The following YTHDC2 variants were observed in gnomAD, a reference collection of about 807,000 sequenced individuals.
YTHDC2 encodes the protein YTH N6-methyladenosine RNA binding protein C2, also known as 3'-5' RNA helicase YTHDC2.
In YTHDC2, 45 loss-of-function variants were observed where a neutral mutation model predicts 174.9. That is an observed-to-expected ratio of 0.26 (90% CI 0.20 to 0.33). The LOEUF (loss-of-function observed/expected upper bound fraction) is 0.33. YTHDC2 is among the 10% of genes least tolerant of loss of function. The pLI is 1.00. For missense variants in YTHDC2, 1,650 were observed against 1,723.7 expected (o/e 0.96, Z 0.76); for synonymous variants, 657 against 574.5 (o/e 1.14, Z -2.05).
In YTHDC2 at chr5:113,586,873, CTA is replaced by C. The variant is rs1191086634; in HGVS notation, c.3825+2407_3825+2408del. On this transcript the variant is annotated intron_variant, in intron 26 of 29. Coordinates refer to ENST00000161863, the MANE Select transcript of YTHDC2 (RefSeq NM_022828.5). Reference sequence around the variant, plus strand: ...TTAATATCTCTCTCTCTCTCTCTCTCTATATATATATATAATATATAAATATA... The same window carrying C: ...TTAATATCTCTCTCTCTCTCTCTCTCTATATATATATAATATATAAATATA... Among the ~76,000 whole-genome samples, 23 of 127,386 alleles carry C rather than the reference CTA, an allele frequency of 1.8e-4. No homozygotes were observed. The South Asian group carries it at 2.5e-3, about 14-fold the overall frequency. 83.6% of individuals were successfully genotyped at this position (127,386 alleles called of 152,430 possible). A position where few individuals can be genotyped will look rare whatever the true frequency, so the allele number is the denominator to read the frequency against.
intron 24 of YTHDC2, among the ~76,000 whole-genome samples, chr5:113,581,013 G>A (rs183350733): frequency 6.6e-6 from 1 of 152,094 alleles, no homozygotes; most frequent in African/African-American, 2.4e-5. Context: ...TTAGGAACTG[G>A]TGACTTTCAA....
At chr5:113,569,002 C>G (rs1255344017) in intron 23 of YTHDC2, among the ~76,000 whole-genome samples, 1 of 152,024 alleles carries the variant, frequency 6.6e-6, no homozygotes, top group African/African-American at 2.4e-5. Flanking sequence ...AAAAGTGTTC[C>G]TTTTTCTCTA....
At chr5:113,593,184 G>A (rs535967086) in intron 28 of YTHDC2, 119 bp from the exon 29 acceptor site, 28 of 679,116 alleles carry the variant, frequency 4.1e-5, no homozygotes, top group African/African-American at 3.8e-4. Flanking sequence ...TTTAGCATAC[G>A]CTGGTAGGAA....
intron 25 of YTHDC2, chr5:113,581,933 T>C: frequency 6.0e-6 from 2 of 331,642 alleles, no homozygotes; most frequent in Non-Finnish European, 1.1e-5. Flanking sequence ...TGTGAGTTAT[T>C]TAATAAGGCA....
intron 23 of YTHDC2, among the ~76,000 whole-genome samples, chr5:113,576,131 G>A (rs1203993673): frequency 2.0e-5 from 3 of 152,030 alleles, no homozygotes; most frequent in Admixed American, 2.0e-4. Context: ...AGTTGGATAT[G>A]CATTTTTGGA....
At chr5:113,548,042 A>G (rs1776007788) in intron 10 of YTHDC2, among the ~76,000 whole-genome samples, 1 of 152,210 alleles carries the variant, frequency 6.6e-6, no homozygotes, top group Non-Finnish European at 1.5e-5. Flanking sequence ...TAAGTGTCTT[A>G]TCAAATAGCC....
chr5:113,542,195 A>C (rs1396967212), intron 9 of YTHDC2, among the ~76,000 whole-genome samples, 173 bp from the exon 10 acceptor site: 1 of 152,236 alleles, frequency 6.6e-6, no homozygotes, highest in East Asian at 1.9e-4. Flanking sequence ...AGGACTAGAT[A>C]CTGTATTGTG....
At chr5:113,551,548 A>T (rs937696435) in intron 12 of YTHDC2, among the ~76,000 whole-genome samples, 1 of 152,114 alleles carries the variant, frequency 6.6e-6, no homozygotes, top group Admixed American at 6.6e-5. Flanking sequence ...CTTAAAATTT[A>T]TAAGAGCTGA....
At chr5:113,530,339 G>A (rs2112570242) in intron 4 of YTHDC2, among the ~76,000 whole-genome samples, 1 of 152,034 alleles carries the variant, frequency 6.6e-6, no homozygotes, top group South Asian at 2.1e-4. Context: ...TTTTTCTTAT[G>A]TATCTTTAAT....
In YTHDC2 at chr5:113,593,783, A is replaced by G. The variant is rs888301008; in HGVS notation, c.*309A>G. 1 of 156,258 alleles carries G rather than the reference A, an allele frequency of 6.4e-6. No individual in the cohort carries two copies. The highest frequency in any genetic ancestry group is 1.4e-5 in the Non-Finnish European group (1 of 70,314). The allele number at this position is 156,258 out of a possible 1,614,324, so 9.7% of individuals were successfully genotyped here. On this transcript the variant is annotated 3_prime_UTR_variant, in exon 30 of 30. Transcript: ENST00000161863. ...TTCATTTTTAAAAACACTGAATTACAGTTCTTATTGATGACTTTTTAATGC... is the reference window on the plus strand; with the variant it reads ...TTCATTTTTAAAAACACTGAATTACGGTTCTTATTGATGACTTTTTAATGC...
chr5:113,526,332 T>A (rs866003993), intron 3 of YTHDC2, among the ~76,000 whole-genome samples: 1 of 149,020 alleles, frequency 6.7e-6, no homozygotes, highest in Non-Finnish European at 1.5e-5. Flanking sequence ...GAAATATGTC[T>A]GAGGTTCACT....
chr5:113,533,004 G>C lies in YTHDC2; in HGVS notation c.801G>C (p.Arg267Ser). The change falls in exon 5 of 30, where the codon AGG becomes AGC. Residue 267 changes from arginine (R) to serine (S), a missense_variant. Physicochemically the swap from Arg to Ser is moderately radical, Grantham distance 110 (BLOSUM62 -1). Transcript: ENST00000161863. ...AERVAAERRE[R>S]IGQTIGYQIR... ...GAGTTGCCGCAGAGAGACGGGAAAG[G>C]ATTGGTCAAACAATTGGTTATCAGA... 1 of 1,614,168 alleles carries C rather than the reference G, an allele frequency of 6.2e-7. No homozygotes were observed. The highest frequency in any genetic ancestry group is 1.3e-5 in the African/African-American group (1 of 75,040).
intron 10 of YTHDC2, among the ~76,000 whole-genome samples, chr5:113,545,372 G>A (rs1775793235): frequency 7.9e-6 from 1 of 127,132 alleles, no homozygotes; most frequent in Non-Finnish European, 1.9e-5. Flanking sequence ...GTTTTGTTTT[G>A]TTTTGTTTTG....
rs1013338432 is a variant in YTHDC2 at position 113,581,473 on chromosome 5, A to G, written c.3411A>G (p.Arg1137=). The part of the protein sequence containing the change: ...RQKWHSLFLR[R]MRAPSKPWSQ... ...AGTGGCATAGCTTATTTTTACGCCG[A>G]ATGAGAGCTCCATCTAAACCTTGGT... is the stretch of plus-strand genomic sequence containing the variant. Residue 1137 remains arginine, a synonymous_variant, in exon 25 of 30, where the codon CGA becomes CGG. Transcript: ENST00000161863. The G allele has an allele frequency of 6.2e-7, 1 of 1,613,498 alleles. No individual in the cohort carries two copies. Among genetic ancestry groups the G allele is most frequent in the African/African-American group, 1.3e-5 (1 of 74,910 alleles).
intron 19 of YTHDC2, 124 bp from the exon 20 acceptor site, chr5:113,563,734 AT>A: frequency 1.7e-6 from 2 of 1,149,202 alleles, no homozygotes; most frequent in Non-Finnish European, 2.4e-6. Flanking sequence ...AACGAAATAT[AT>A]TTTTATGAGA....
chr5:113,516,220 A>G (rs73779086), intron 2 of YTHDC2, among the ~76,000 whole-genome samples: 1 of 152,192 alleles, frequency 6.6e-6, no homozygotes, highest in African/African-American at 2.4e-5. Flanking sequence ...TATTTATGGA[A>G]CTTACTTCTT....
At chr5:113,589,395 TAAA>T (rs1156968093) in intron 26 of YTHDC2, among the ~76,000 whole-genome samples, 17,118 of 114,372 alleles carry the variant, frequency 0.15, 1,465 homozygotes, top group Admixed American at 0.29. Context: ...TTTTAAAAAT[TAAA>T]AAAAAAAAAA....
At chr5:113,514,294 G>A (rs987747079) in intron 1 of YTHDC2, 1 of 712,786 alleles carries the variant, frequency 1.4e-6, no homozygotes, top group Non-Finnish European at 2.5e-6. Context: ...CGGATCAATG[G>A]GGTTATGGGC....
At chr5:113,564,840 G>A (rs1326046529) in intron 20 of YTHDC2, among the ~76,000 whole-genome samples, 2 of 152,074 alleles carry the variant, frequency 1.3e-5, no homozygotes, top group African/African-American at 2.4e-5. Flanking sequence ...TTTTGAGACA[G>A]TCTTGCTCTG....
Sources: gnomAD v4.1 joint callset for allele counts (sites outside exome capture counted in the v4.1 genomes callset) on GRCh38, gnomAD v4.1.1 for gene constraint, MANE v1.5 for transcripts, NCBI Gene and HGNC (gene_info 2026-07-23, HGNC 2026-07-21) for gene names.